Variants in SIRT2 observed in about 807,000 individuals in gnomAD.
SIRT2 encodes the protein NAD-dependent protein deacetylase sirtuin-2.
In SIRT2, 40 loss-of-function variants were observed where a neutral mutation model predicts 57.4. That is an observed-to-expected ratio of 0.70 (90% CI 0.54 to 0.91). The LOEUF (loss-of-function observed/expected upper bound fraction) is 0.91. Ranked by LOEUF, SIRT2 falls within the 40% of genes least tolerant of loss-of-function variation. SIRT2 has a pLI of 0.00. For missense variants in SIRT2, 439 were observed against 510.4 expected, an observed-to-expected ratio of 0.86 and a Z score of 1.35; for synonymous variants, 161 against 195.7, an observed-to-expected ratio of 0.82 and a Z score of 1.48.
At chr19:38,884,849 C>A (rs924839332) in intron 8 of SIRT2, among the ~76,000 whole-genome samples, 6 of 151,754 alleles carry the variant, frequency 4.0e-5, no homozygotes, top group African/African-American at 1.5e-4. Flanking sequence ...TGGGCTCAAG[C>A]AATCCTCCCA....
chr19:38,885,028 T>C (rs1973281957), intron 8 of SIRT2, among the ~76,000 whole-genome samples: 1 of 152,164 alleles, frequency 6.6e-6, no homozygotes, highest in Admixed American at 6.6e-5. Context: ...TATCTTCCCC[T>C]TTAGTAGCCA....
intron 9 of SIRT2, among the ~76,000 whole-genome samples, 156 bp downstream of exon 9, chr19:38,883,471 C>T (rs943974683): frequency 1.3e-5 from 2 of 152,048 alleles, no homozygotes; most frequent in African/African-American, 4.8e-5. Flanking sequence ...CTGAACTCCC[C>T]GCGTGGGCGA....
At chr19:38,887,016 C>T (rs1481170445) in intron 8 of SIRT2, among the ~76,000 whole-genome samples, 3 of 152,068 alleles carry the variant, frequency 2.0e-5, no homozygotes, top group African/African-American at 7.2e-5. Flanking sequence ...CAGCTCAGGG[C>T]AACCTCCACC....
At chr19:38,879,832 TG>T in intron 13 of SIRT2, 130 bp from the exon 14 acceptor site, 1 of 682,706 alleles carries the variant, frequency 1.5e-6, no homozygotes, top group Non-Finnish European at 2.5e-6. Context: ...GTTGTTTTTT[TG>T]GTTTTTTTTG....
rs1973861905 is a variant in SIRT2 at position 38,899,547 on chromosome 19, C to G, written c.-26G>C. On this transcript the variant is annotated 5_prime_UTR_variant, in exon 1 of 16. Coordinates refer to ENST00000249396, the MANE Select transcript of SIRT2 (RefSeq NM_012237.4). Reference sequence around the variant, plus strand: ...GGGCGCGGTGCTGAAGCCCTTGAGGCTGTCACCGACCGCTCTGTCCCGTCA... The same window carrying G: ...GGGCGCGGTGCTGAAGCCCTTGAGGGTGTCACCGACCGCTCTGTCCCGTCA... The G allele has an allele frequency of 6.2e-7, 1 of 1,613,722 alleles. No individual in the cohort carries two copies.
At chr19:38,892,922 T>C (rs1400381833) in intron 4 of SIRT2, among the ~76,000 whole-genome samples, 1 of 152,194 alleles carries the variant, frequency 6.6e-6, no homozygotes, top group African/African-American at 2.4e-5. Context: ...ATGAGTTAGA[T>C]ACTATAATCA....
intron 7 of SIRT2, 90 bp downstream of exon 7, chr19:38,889,596 CATA>C: frequency 1.4e-6 from 2 of 1,422,478 alleles, no homozygotes; most frequent in Non-Finnish European, 2.0e-6. Context: ...TTAATGGCTA[CATA>C]ATATTTGTCT....
chr19:38,883,751 T>C lies in SIRT2; in HGVS notation c.507A>G (p.Ile169Met). Residue 169 changes from isoleucine (I) to methionine (M), a missense_variant, in exon 9 of 16, where the codon ATA (isoleucine) becomes ATG (methionine). Ile to Met is a conservative substitution (Grantham distance 10). Coordinates refer to ENST00000249396, the MANE Select transcript of SIRT2 (RefSeq NM_012237.4). ...GCCCGGCTATTCGCTCCAGGGTATC[T>C]ATGTTCTAGAGGGAGAGATGGAGGG... The part of the protein sequence containing the change: ...GLLLRCYTQN[I>M]DTLERIAGLE... 1 of 1,613,846 alleles carries C rather than the reference T, an allele frequency of 6.2e-7. No homozygotes were observed. The highest frequency in any genetic ancestry group is 8.5e-7 in the Non-Finnish European group (1 of 1,179,862).
chr19:38,893,946 G>A (rs753287850), intron 2 of SIRT2, 79 bp from the exon 3 acceptor site: 2 of 1,599,782 alleles, frequency 1.3e-6, no homozygotes, highest in Non-Finnish European at 1.7e-6. Flanking sequence ...CCAGGTTTGG[G>A]GAAAAGGCTG....
At chr19:38,899,355 T>C (rs1233800449) in intron 1 of SIRT2, 151 bp downstream of exon 1, 2 of 849,924 alleles carry the variant, frequency 2.4e-6, no homozygotes, top group East Asian at 2.6e-5. Flanking sequence ...AGCCTAGCGA[T>C]ACAGATCGCT....
chr19:38,879,037 G>T lies in SIRT2; in HGVS notation c.*118C>A. On this transcript the variant is annotated 3_prime_UTR_variant, in exon 16 of 16. Transcript: ENST00000249396. ...CCCAGTTTTGGGGAGGGAGCTGTAA[G>T]AGATTGGGGGATGTTCTGAGCTCCC... The T allele has an allele frequency of 8.9e-7, 1 of 1,118,640 alleles. No homozygotes were observed. The highest frequency in any genetic ancestry group is 1.2e-6 in the Non-Finnish European group (1 of 803,598). The allele number at this position is 1,118,640 out of a possible 1,614,324, so 69.3% of individuals were successfully genotyped here.
intron 8 of SIRT2, among the ~76,000 whole-genome samples, chr19:38,887,554 C>T (rs566972644): frequency 1.0e-3 from 156 of 152,202 alleles, no homozygotes; most frequent in Non-Finnish European, 1.8e-3. Flanking sequence ...GACTCCTCCT[C>T]TTGGAAGAAG....
chr19:38,899,466 C>G (rs200887226), intron 1 of SIRT2, 40 bp downstream of exon 1: 2 of 1,610,852 alleles, frequency 1.2e-6, no homozygotes, highest in African/African-American at 1.3e-5. Context: ...CAGCCAGGCC[C>G]CGGCGCGGCC....
intron 3 of SIRT2, 91 bp from the exon 4 acceptor site, chr19:38,893,618 C>A: frequency 8.3e-7 from 1 of 1,198,970 alleles, no homozygotes; most frequent in East Asian, 2.5e-5. Flanking sequence ...CTGGGGTTCC[C>A]GGCCTCCCCA....
chr19:38,898,052 C>T (rs1973783105), intron 2 of SIRT2, among the ~76,000 whole-genome samples: 3 of 152,212 alleles, frequency 2.0e-5, no homozygotes, highest in African/African-American at 7.2e-5. Context: ...TTTCCCATCA[C>T]TTGTCCACGA....
In SIRT2 at chr19:38,889,151, G is replaced by A. The variant is rs906959018; in HGVS notation, c.437C>T (p.Thr146Ile). The A allele has an allele frequency of 1.9e-6, 3 of 1,612,912 alleles. No homozygotes were observed. The highest frequency in any genetic ancestry group is 2.5e-6 in the Non-Finnish European group (3 of 1,180,000). The change falls in exon 8 of 16, where the codon ACC becomes ATC. Residue 146 changes from threonine to isoleucine, a missense_variant. Thr to Ile is a moderately conservative substitution (Grantham distance 89). Coordinates refer to ENST00000249396, the MANE Select transcript of SIRT2 (RefSeq NM_012237.4). The part of the protein sequence containing the change: ...KELYPGQFKP[T>I]ICHYFMRLLK... Reference sequence around the variant, plus strand: ...CAGGCGCATGAAGTAGTGACAGATGGTTGGCTGCAGGGAAGAGCGACAGCA... The same window carrying A: ...CAGGCGCATGAAGTAGTGACAGATGATTGGCTGCAGGGAAGAGCGACAGCA...
chr19:38,881,631 G>GC, intron 9 of SIRT2, 140 bp from the exon 10 acceptor site: 2 of 672,126 alleles, frequency 3.0e-6, no homozygotes, highest in South Asian at 3.5e-5. Context: ...GTCTCCTGAG[G>GC]TGTCCACTCT....
At chr19:38,893,698 C>T in intron 3 of SIRT2, 121 bp downstream of exon 3, 1 of 1,336,674 alleles carries the variant, frequency 7.5e-7, no homozygotes, top group Non-Finnish European at 1.1e-6. Context: ...GTACCCAACC[C>T]ACTGCTACAT....
chr19:38,885,737 C>T (rs552662193), intron 8 of SIRT2, among the ~76,000 whole-genome samples: 27 of 151,880 alleles, frequency 1.8e-4, no homozygotes, highest in African/African-American at 5.3e-4. Flanking sequence ...AACACAGGCA[C>T]GCGCCACCAT....
Sources: gnomAD v4.1 joint callset for allele counts (sites outside exome capture counted in the v4.1 genomes callset) on GRCh38, gnomAD v4.1.1 for gene constraint, MANE v1.5 for transcripts, NCBI Gene and HGNC (gene_info 2026-07-23, HGNC 2026-07-21) for gene names.